NECAB1: variants seen among roughly 807,000 people sequenced by gnomAD.
The protein encoded by NECAB1 is N-terminal EF-hand calcium-binding protein 1.
In NECAB1, 29 loss-of-function variants were observed where a neutral mutation model predicts 57.5. That is an observed-to-expected ratio of 0.50 (90% CI 0.38 to 0.69). The LOEUF (loss-of-function observed/expected upper bound fraction) is 0.69. NECAB1 is among the 30% of genes least tolerant of loss of function. NECAB1 has a pLI of 0.00. For synonymous variants in NECAB1, 142 were observed against 147.7 expected (o/e 0.96, Z 0.28); for missense variants, 372 against 413.8 (o/e 0.90, Z 0.88).
At chr8:90,866,472 A>C (rs1235786563) in intron 3 of NECAB1, among the ~76,000 whole-genome samples, 1 of 152,226 alleles carries the variant, frequency 6.6e-6, no homozygotes, top group Non-Finnish European at 1.5e-5. Flanking sequence ...ATTCTTCTGC[A>C]CTGGTAATAT....
chr8:90,812,739 T>C (rs1811982891), intron 2 of NECAB1: 1 of 152,132 alleles, frequency 6.6e-6, no homozygotes, highest in African/African-American at 2.4e-5. Context: ...GAGGCGTGCT[T>C]TCCGGCCCCT....
intron 2 of NECAB1, among the ~76,000 whole-genome samples, chr8:90,815,547 C>A (rs189019546): frequency 9.7e-4 from 148 of 151,912 alleles, no homozygotes; most frequent in African/African-American, 3.5e-3. Flanking sequence ...TCCTATTCAC[C>A]CCTCCCTCCA....
At chr8:90,852,383 C>T (rs941347545) in intron 3 of NECAB1, among the ~76,000 whole-genome samples, 1 of 144,218 alleles carries the variant, frequency 6.9e-6, no homozygotes, top group Admixed American at 7.1e-5. Context: ...TTGTATTTCT[C>T]CATCATAATA....
At chr8:90,860,293 G>C (rs959350393) in intron 3 of NECAB1, among the ~76,000 whole-genome samples, 2 of 148,528 alleles carry the variant, frequency 1.3e-5, no homozygotes, top group Non-Finnish European at 3.0e-5. Context: ...CAGTTTTGAG[G>C]ATCACTGCAC....
chr8:90,848,649 T>C (rs75679756), intron 3 of NECAB1, among the ~76,000 whole-genome samples: 6,486 of 152,276 alleles, frequency 0.043, 482 homozygotes, highest in African/African-American at 0.15. Context: ...TCTTACATGG[T>C]AGCAGGCAAG....
At chr8:90,831,617 C>G (rs1313715602) in intron 3 of NECAB1, among the ~76,000 whole-genome samples, 1 of 152,120 alleles carries the variant, frequency 6.6e-6, no homozygotes, top group Non-Finnish European at 1.5e-5. Flanking sequence ...GTTCTATCCC[C>G]TGACACCCTC....
chr8:90,814,891 C>G (rs886609167), intron 2 of NECAB1, among the ~76,000 whole-genome samples: 1 of 152,044 alleles, frequency 6.6e-6, no homozygotes, highest in South Asian at 2.1e-4. Flanking sequence ...TGCTTCTAAG[C>G]CCTTTCAGCT....
intron 3 of NECAB1, among the ~76,000 whole-genome samples, chr8:90,826,695 A>C (rs1442042051): frequency 6.6e-6 from 1 of 151,734 alleles, no homozygotes; most frequent in Non-Finnish European, 1.5e-5. Context: ...GATTTTTAAT[A>C]TGTTACATTT....
At chr8:90,850,486 G>A (rs548221345) in intron 3 of NECAB1, among the ~76,000 whole-genome samples, 1 of 152,304 alleles carries the variant, frequency 6.6e-6, no homozygotes, top group Non-Finnish European at 1.5e-5. Flanking sequence ...CAGCAGTCTG[G>A]AACAAATAGC....
chr8:90,826,053 C>T (rs1342534787), intron 3 of NECAB1, among the ~76,000 whole-genome samples: 1 of 151,728 alleles, frequency 6.6e-6, no homozygotes, highest in African/African-American at 2.4e-5. Flanking sequence ...ATTTTTTAGG[C>T]TCGGGGAATA....
chr8:90,841,115 C>G (rs1206793252), intron 3 of NECAB1, among the ~76,000 whole-genome samples: 1 of 151,388 alleles, frequency 6.6e-6, no homozygotes, highest in African/African-American at 2.4e-5. Flanking sequence ...AAAAAATTAG[C>G]CGGGCATGGT....
intron 3 of NECAB1, among the ~76,000 whole-genome samples, chr8:90,827,133 C>T (rs909560963): frequency 6.6e-6 from 1 of 151,962 alleles, no homozygotes; most frequent in Non-Finnish European, 1.5e-5. Context: ...TTTATCTTTG[C>T]ATGATCCAAG....
intron 6 of NECAB1, among the ~76,000 whole-genome samples, chr8:90,918,020 T>C (rs1398508752): frequency 6.9e-6 from 1 of 145,376 alleles, no homozygotes; most frequent in Non-Finnish European, 1.5e-5. Flanking sequence ...ATATATTTCT[T>C]TTTTTTTGAG....
chr8:90,872,321 G>C, intron 4 of NECAB1, 168 bp downstream of exon 4: 2 of 537,388 alleles, frequency 3.7e-6, no homozygotes, highest in Non-Finnish European at 6.4e-6. Flanking sequence ...TTTTGCTCAA[G>C]TATGTATTTC....
chr8:90,843,502 T>A (rs1812492542), intron 3 of NECAB1, among the ~76,000 whole-genome samples: 1 of 152,244 alleles, frequency 6.6e-6, no homozygotes, highest in African/African-American at 2.4e-5. Flanking sequence ...TTAATATTGC[T>A]TAGCGTGTAG....
intron 3 of NECAB1, among the ~76,000 whole-genome samples, chr8:90,843,994 CT>C (rs1437098871): frequency 6.6e-6 from 1 of 152,134 alleles, no homozygotes; most frequent in Non-Finnish European, 1.5e-5. Flanking sequence ...TGCCTTTTTC[CT>C]TACAGGTATA....
Position 90,874,947 on chromosome 8 carries a change from A to AT in NECAB1, c.259+2804dup, listed in dbSNP as rs10631858. Among the ~76,000 whole-genome samples the AT allele has an allele frequency of 1.4e-3, 211 of 149,320 alleles. 1 individual carries two copies. Among genetic ancestry groups the AT allele is most frequent in the Middle Eastern group, 0.01 (3 of 288 alleles). ...CAATTGTGAAGGCCTTCCTAAATGC[A>AT]TTTTTTTTTTGCCGTATCTTATCAC... On this transcript the variant is annotated intron_variant, in intron 4 of 12. Coordinates refer to ENST00000417640, the MANE Select transcript of NECAB1 (RefSeq NM_022351.5).
intron 2 of NECAB1, among the ~76,000 whole-genome samples, chr8:90,807,505 A>G (rs555532311): frequency 6.6e-6 from 1 of 152,258 alleles, no homozygotes; most frequent in African/African-American, 2.4e-5. Flanking sequence ...TGTCTTTCGC[A>G]CTTGGGAATA....
intron 3 of NECAB1, among the ~76,000 whole-genome samples, chr8:90,869,333 G>A (rs551094948): frequency 1.9e-4 from 29 of 152,332 alleles, no homozygotes; most frequent in African/African-American, 6.7e-4. Context: ...GCCTACTAGA[G>A]TTGTGAGAAG....
Sources: gnomAD v4.1 joint callset for allele counts (sites outside exome capture counted in the v4.1 genomes callset) on GRCh38, gnomAD v4.1.1 for gene constraint, MANE v1.5 for transcripts, NCBI Gene and HGNC (gene_info 2026-07-23, HGNC 2026-07-21) for gene names.